ESRP1: variants seen among roughly 807,000 people sequenced by gnomAD.
The protein encoded by ESRP1 is epithelial splicing regulatory protein 1, also known as RNA-binding motif protein 35A.
Under a neutral mutation model 81.7 loss-of-function variants are expected in ESRP1, and 33 were observed. The observed-to-expected ratio is 0.40, with a 90% CI of 0.31 to 0.54. The LOEUF is 0.54. Ranked by LOEUF, ESRP1 falls within the 20% of genes least tolerant of loss-of-function variation. ESRP1 has a pLI of 0.41. For missense variants in ESRP1, 672 were observed against 833.1 expected (o/e 0.81, Z 2.38); for synonymous variants, 320 against 303.3 (o/e 1.06, Z -0.57).
At chr8:94,699,115 A>G (rs558785984) in intron 15 of ESRP1, among the ~76,000 whole-genome samples, 1 of 152,272 alleles carries the variant, frequency 6.6e-6, no homozygotes, top group Admixed American at 6.5e-5. Context: ...TATATTTTTA[A>G]ATAAGTATAC....
intron 4 of ESRP1, 47 bp downstream of exon 4, chr8:94,646,329 A>AG: frequency 8.2e-7 from 1 of 1,219,134 alleles, no homozygotes; most frequent in Non-Finnish European, 1.1e-6. Context: ...AGATAGTTCC[A>AG]GAAAAGGTAA....
chr8:94,648,829 A>G (rs1586175446), intron 4 of ESRP1, among the ~76,000 whole-genome samples: 1 of 152,388 alleles, frequency 6.6e-6, no homozygotes, highest in East Asian at 1.9e-4. Flanking sequence ...GGATACAGAA[A>G]TATCAATTTG....
rs114060197 is a variant in ESRP1 at position 94,685,130 on chromosome 8, A to G, written c.1820+6759A>G. The stretch of plus-strand genomic sequence containing the variant: ...CCTTTATTTTAGAAATCACCTGATA[A>G]TATTAATTAGTATTACCAATGTTTG... On this transcript the variant is annotated intron_variant, in intron 13 of 15. Transcript: ENST00000433389. Among the ~76,000 whole-genome samples the G allele has an allele frequency of 8.8e-3, 1,345 of 152,212 alleles. 19 individuals are homozygous for G. Among genetic ancestry groups the G allele is most frequent in the African/African-American group, 0.029 (1,214 of 41,518 alleles).
chr8:94,671,782 G>A, intron 11 of ESRP1, 111 bp downstream of exon 11: 1 of 645,794 alleles, frequency 1.5e-6, no homozygotes, highest in Non-Finnish European at 2.4e-6. Context: ...TTAGATATTA[G>A]TCTTTGATAA....
chr8:94,679,168 C>A (rs1449834364), intron 13 of ESRP1, among the ~76,000 whole-genome samples: 4 of 152,144 alleles, frequency 2.6e-5, no homozygotes, highest in Non-Finnish European at 4.4e-5. Context: ...TAATAACAGG[C>A]AAGTTTGTAG....
intron 10 of ESRP1, 69 bp downstream of exon 10, chr8:94,668,319 T>C: frequency 5.1e-6 from 7 of 1,368,026 alleles, no homozygotes; most frequent in Non-Finnish European, 5.9e-6. Flanking sequence ...AAAATAGTCC[T>C]ACATTGCTCA....
At position 94,655,444 on chromosome 8, in the gene ESRP1, A is replaced by G. The variant is rs114500120; in HGVS notation, c.491-6828A>G. On this transcript the variant is annotated intron_variant, in intron 4 of 15. Coordinates refer to ENST00000433389, the MANE Select transcript of ESRP1 (RefSeq NM_017697.4). The stretch of plus-strand genomic sequence containing the variant: ...TTTTCACTCCTCTCAGCTCATACCT[A>G]GGTTTTAGATGTTTTTCCCCCGCAT... 8.5e-3 allele frequency among the ~76,000 whole-genome samples: 1,261 copies of G among 148,228 alleles called. 19 individuals are homozygous for G. Among genetic ancestry groups the G allele is most frequent in the African/African-American group, 0.029 (1,162 of 39,960 alleles).
intron 10 of ESRP1, among the ~76,000 whole-genome samples, chr8:94,670,523 A>G (rs1484064436): frequency 6.6e-6 from 1 of 152,164 alleles, no homozygotes; most frequent in African/African-American, 2.4e-5. Context: ...GGAAGGGTTC[A>G]TTGATTCTTC....
intron 13 of ESRP1, among the ~76,000 whole-genome samples, chr8:94,682,904 T>TTTTATATATA (rs1452052553): frequency 3.4e-4 from 10 of 29,844 alleles, no homozygotes; most frequent in African/African-American, 1.6e-3. Flanking sequence ...ATTCATTATT[T>TTTTATATATA]TATATATATA....
intron 2 of ESRP1, 81 bp from the exon 3 acceptor site, chr8:94,643,221 TG>T: frequency 1.1e-6 from 1 of 943,454 alleles, no homozygotes; most frequent in Non-Finnish European, 1.7e-6. Flanking sequence ...CGGTTTTCTC[TG>T]GCTATCACCA....
intron 4 of ESRP1, among the ~76,000 whole-genome samples, chr8:94,654,955 G>T (rs1380882881): frequency 6.6e-6 from 1 of 151,304 alleles, no homozygotes; most frequent in Non-Finnish European, 1.5e-5. Context: ...AAGCTGAGAA[G>T]TAAGGTTTAA....
At chr8:94,662,837 T>C (rs1375751475) in intron 6 of ESRP1, among the ~76,000 whole-genome samples, 3 of 152,224 alleles carry the variant, frequency 2.0e-5, no homozygotes, top group African/African-American at 7.2e-5. Flanking sequence ...CTCAATCTCC[T>C]GACCTCGTGA....
intron 4 of ESRP1, among the ~76,000 whole-genome samples, chr8:94,652,267 C>T (rs1218184381): frequency 1.3e-5 from 2 of 152,044 alleles, no homozygotes; most frequent in African/African-American, 2.4e-5. Context: ...GGATTACAGG[C>T]GTGAGCCACT....
intron 4 of ESRP1, among the ~76,000 whole-genome samples, chr8:94,651,636 A>G (rs1194292492): frequency 6.6e-6 from 1 of 150,702 alleles, no homozygotes; most frequent in Non-Finnish European, 1.5e-5. Flanking sequence ...CTTTTTTTTG[A>G]GATGGAGTCT....
chr8:94,702,179 A>G (rs937213567), intron 15 of ESRP1, among the ~76,000 whole-genome samples: 1 of 152,158 alleles, frequency 6.6e-6, no homozygotes, highest in African/African-American at 2.4e-5. Flanking sequence ...TGTTTTTCTG[A>G]GATGGAATCT....
chr8:94,671,441 C>G lies in ESRP1; in HGVS notation c.1234-12C>G, dbSNP rs1285266361. On this transcript the variant is annotated splice_polypyrimidine_tract_variant and intron_variant, in intron 10 of 15. Transcript: ENST00000433389. ...ACAGCTCTAAATTACTTCTGTTTTGCTTTGAGTACAGGTGCTGAATCGATT... is the reference window on the plus strand; with the variant it reads ...ACAGCTCTAAATTACTTCTGTTTTGGTTTGAGTACAGGTGCTGAATCGATT... 1 of 1,606,480 alleles carries G rather than the reference C, an allele frequency of 6.2e-7. No homozygotes were observed. The highest frequency in any genetic ancestry group is 8.5e-7 in the Non-Finnish European group (1 of 1,175,514).
At chr8:94,647,389 C>G (rs1382925728) in intron 4 of ESRP1, among the ~76,000 whole-genome samples, 1 of 152,184 alleles carries the variant, frequency 6.6e-6, no homozygotes, top group Admixed American at 6.5e-5. Flanking sequence ...TTAGACAGCT[C>G]AAGCTTCCAT....
intron 4 of ESRP1, among the ~76,000 whole-genome samples, chr8:94,649,809 G>A (rs113830863): frequency 0.03 from 4,518 of 152,056 alleles, 216 homozygotes; most frequent in African/African-American, 0.1. Flanking sequence ...CACTGCACCC[G>A]ACCCCAACTT....
chr8:94,698,060 C>T (rs1386883849), intron 15 of ESRP1, among the ~76,000 whole-genome samples: 1 of 152,100 alleles, frequency 6.6e-6, no homozygotes, highest in Non-Finnish European at 1.5e-5. Context: ...GGATTATAGG[C>T]GTGAGCCACC....
Sources: gnomAD v4.1 joint callset for allele counts (sites outside exome capture counted in the v4.1 genomes callset) on GRCh38, gnomAD v4.1.1 for gene constraint, MANE v1.5 for transcripts, NCBI Gene and HGNC (gene_info 2026-07-23, HGNC 2026-07-21) for gene names.